Variants in PAH observed in about 807,000 individuals in gnomAD.
PAH encodes phenylalanine hydroxylase.
Under a neutral mutation model 62.0 loss-of-function variants are expected in PAH, and 64 were observed. That is an observed-to-expected ratio of 1.03 (90% CI 0.84 to 1.27). PAH has a LOEUF of 1.27. Among genes scored for constraint, PAH ranks in the 50% most tolerant of loss-of-function variants. The pLI is 0.00. For missense variants in PAH, 579 were observed against 542.8 expected (o/e 1.07, Z -0.66); for synonymous variants, 195 against 196.2 (o/e 0.99, Z 0.05).
In PAH at chr12:102,855,294, T is replaced by C. The variant is rs17852373; in HGVS notation, c.548A>G (p.Glu183Gly). Reference protein sequence around the residue: ...PIPRVEYMEEEKKTWGTVFKT... With the variant: ...PIPRVEYMEEGKKTWGTVFKT... ...GAACACTGTGCCCCATGTTTTCTTT[T>C]CTTCCTCCATGTATTCCACTCGAGG... The change falls in exon 6 of 13, where the codon GAA becomes GGA. Residue 183 changes from glutamate to glycine, a missense_variant. Glu to Gly is a moderately conservative substitution (Grantham distance 98). Coordinates refer to ENST00000553106, the MANE Select transcript of PAH (RefSeq NM_000277.3). 6.2e-7 allele frequency: 1 copy of C among 1,614,152 alleles called. No homozygotes were observed.
chr12:102,861,139 A>G (rs1461148727), intron 5 of PAH, among the ~76,000 whole-genome samples: 1 of 152,236 alleles, frequency 6.6e-6, no homozygotes, highest in African/African-American at 2.4e-5. Context: ...AATTTACAAG[A>G]AAAAAACAAC....
At chr12:102,931,600 C>T (rs948644881) in intron 1 of PAH, among the ~76,000 whole-genome samples, 3 of 152,184 alleles carry the variant, frequency 2.0e-5, no homozygotes, top group African/African-American at 4.8e-5. Context: ...GCTCTGATGA[C>T]TTCATTTTGC....
At chr12:102,893,752 C>T (rs1877376578) in intron 3 of PAH, among the ~76,000 whole-genome samples, 2 of 152,238 alleles carry the variant, frequency 1.3e-5, no homozygotes, top group Admixed American at 1.3e-4. Context: ...AATTTCTATA[C>T]TCTACCACCC....
chr12:102,910,395 G>A (rs1175776308), intron 2 of PAH, among the ~76,000 whole-genome samples: 3 of 148,874 alleles, frequency 2.0e-5, no homozygotes. Flanking sequence ...TTTGGGGAGG[G>A]AGTCTTGCTC....
Position 102,877,484 on chromosome 12 carries a change from G to T in PAH, c.419C>A (p.Ala140Glu), listed in dbSNP as rs372657268. 5.0e-6 allele frequency: 8 copies of T among 1,613,742 alleles called. No homozygotes were observed. The highest frequency in any genetic ancestry group is 1.3e-5 in the African/African-American group (1 of 74,876). The stretch of plus-strand genomic sequence containing the variant: ...CACAGGGTGGTCAGCATCCAGTTCC[G>T]CTCCATAGCTGAGAATCTGATTGGC... ...RFANQILSYG[A>E]ELDADHPGFK... is the part of the protein sequence containing the mutation. Residue 140 changes from alanine (A) to glutamate (E), a missense_variant, in exon 4 of 13, where the codon GCG becomes GAG. By Grantham distance (107) the Ala-to-Glu change is moderately radical. Transcript: ENST00000553106.
chr12:102,864,267 C>T (rs994274564), intron 5 of PAH, among the ~76,000 whole-genome samples: 16 of 152,106 alleles, frequency 1.1e-4, no homozygotes, highest in Admixed American at 8.5e-4. Flanking sequence ...GATGAGGCCT[C>T]GGTGCTTCAC....
At chr12:102,861,636 G>A (rs1592958500) in intron 5 of PAH, among the ~76,000 whole-genome samples, 1 of 152,154 alleles carries the variant, frequency 6.6e-6, no homozygotes, top group Non-Finnish European at 1.5e-5. Context: ...ATACACCATG[G>A]AATACTATGC....
chr12:102,904,832 C>A (rs1344899294), intron 2 of PAH: 3 of 396,384 alleles, frequency 7.6e-6, no homozygotes, highest in South Asian at 1.9e-5. Context: ...ACACCACAGT[C>A]CCCCTGCTCT....
chr12:102,884,129 A>G (rs1025191863), intron 3 of PAH, among the ~76,000 whole-genome samples: 1 of 152,188 alleles, frequency 6.6e-6, no homozygotes, highest in East Asian at 1.9e-4. Context: ...CATAAAGTTA[A>G]TGCCCTTGGG....
intron 3 of PAH, among the ~76,000 whole-genome samples, chr12:102,892,002 C>A (rs970341067): frequency 6.6e-6 from 1 of 152,140 alleles, no homozygotes; most frequent in African/African-American, 2.4e-5. Flanking sequence ...CAAGGGAGGG[C>A]AGTCATTGGG....
At chr12:102,952,706 C>T (rs755247897), upstream of PAH, among the ~76,000 whole-genome samples, 1 of 152,174 alleles carries the variant, frequency 6.6e-6, no homozygotes, top group South Asian at 2.1e-4. Flanking sequence ...CCCACATTCC[C>T]TCCTTATCCC....
chr12:102,925,340 A>G (rs1235618046), intron 1 of PAH, among the ~76,000 whole-genome samples: 1 of 152,144 alleles, frequency 6.6e-6, no homozygotes, highest in Non-Finnish European at 1.5e-5. Flanking sequence ...GCAAAGGAGG[A>G]AAGGTTCAAG....
intron 3 of PAH, among the ~76,000 whole-genome samples, chr12:102,893,087 C>T (rs1345673695): frequency 1.3e-5 from 2 of 152,114 alleles, no homozygotes; most frequent in Admixed American, 6.6e-5. Context: ...TTTCTGTAAA[C>T]CTAATACTGC....
intron 2 of PAH, among the ~76,000 whole-genome samples, chr12:102,903,862 G>A (rs1419694479): frequency 1.3e-5 from 2 of 152,104 alleles, no homozygotes; most frequent in African/African-American, 2.4e-5. Flanking sequence ...GAGAATATGT[G>A]GTAAGGTGAA....
intron 2 of PAH, among the ~76,000 whole-genome samples, chr12:102,898,330 G>T (rs1332093247): frequency 6.6e-6 from 1 of 152,160 alleles, no homozygotes; most frequent in African/African-American, 2.4e-5. Flanking sequence ...CAAATCATCT[G>T]CTACTTAGTC....
rs575949257 is a variant in PAH at position 102,957,599 on chromosome 12, G to C, written c.-96+596C>G. On this transcript the variant is annotated intron_variant, in intron 1 of 4. Transcript: ENST00000551337. This position sits in a 1 kb window ranked among gnomAD's most constrained non-coding sequence, Gnocchi z 4.1. ...GCCGCTCGCTGCAGCAGCGGGGAGTGGGGGGCGAGGCGGGGCCAGGGCTGC... is the reference window on the plus strand; with the variant it reads ...GCCGCTCGCTGCAGCAGCGGGGAGTCGGGGGCGAGGCGGGGCCAGGGCTGC... 4 of 151,540 alleles carry C rather than the reference G, an allele frequency of 2.6e-5. No individual in the cohort carries two copies. In the East Asian group the frequency reaches 5.9e-4, roughly 22 times the overall value. 9.4% of individuals were successfully genotyped at this position (151,540 alleles called of 1,614,324 possible).
chr12:102,878,743 C>G (rs1401035849), intron 3 of PAH, among the ~76,000 whole-genome samples: 1 of 151,970 alleles, frequency 6.6e-6, no homozygotes, highest in African/African-American at 2.4e-5. Context: ...AATGGATTCA[C>G]CCTGGTTGTG....
At position 102,843,643 on chromosome 12, in the gene PAH, C is replaced by T; in HGVS notation, c.1199+3G>A. On this transcript the variant is annotated splice_donor_region_variant and intron_variant, in intron 11 of 12. Coordinates refer to ENST00000553106, the MANE Select transcript of PAH (RefSeq NM_000277.3). ...TAGTGGCTCACCTTTGTCACCACCT[C>T]ACCTTACTTTCTCCTTGGCATCATT... 1 of 1,613,744 alleles carries T rather than the reference C, an allele frequency of 6.2e-7. No homozygotes were observed. Among genetic ancestry groups the T allele is most frequent in the South Asian group, 1.1e-5 (1 of 91,068 alleles).
At chr12:102,903,360 CA>C (rs34480214) in intron 2 of PAH, among the ~76,000 whole-genome samples, 34 of 131,938 alleles carry the variant, frequency 2.6e-4, no homozygotes, top group East Asian at 7.3e-4. Context: ...GATTCTGTCT[CA>C]AAAAAAAAAA....
Sources: allele counts gnomAD v4.1 joint callset (sites outside exome capture counted in the v4.1 genomes callset), GRCh38; gene constraint gnomAD v4.1.1; non-coding constraint Gnocchi (gnomAD v3.1); transcripts MANE v1.5; gene names NCBI Gene and HGNC (gene_info 2026-07-23, HGNC 2026-07-21).